ZNF627: variants seen among roughly 807,000 people sequenced by gnomAD.
ZNF627 encodes the protein zinc finger protein 627.
Under a neutral mutation model 10.6 loss-of-function variants are expected in ZNF627, and 12 were observed. That is an observed-to-expected ratio of 1.13 (90% confidence interval 0.73 to 1.84). ZNF627 has a LOEUF of 1.84. ZNF627 is among the 40% of genes most tolerant of loss of function. The pLI, the probability that ZNF627 is intolerant of heterozygous loss-of-function variation, is 0.00. For synonymous variants in ZNF627, 176 were observed against 187.1 expected (o/e 0.94, Z 0.48); for missense variants, 504 against 568.4 (o/e 0.89, Z 1.15).
intron 3 of ZNF627, among the ~76,000 whole-genome samples, chr19:11,616,249 T>G (rs943211845): frequency 2.6e-5 from 4 of 152,054 alleles, no homozygotes; most frequent in African/African-American, 7.2e-5. Context: ...TTTCTCCACG[T>G]TGGTCAAGCT....
At chr19:11,606,119 A>G (rs1373703130) in intron 1 of ZNF627, among the ~76,000 whole-genome samples, 1 of 152,112 alleles carries the variant, frequency 6.6e-6, no homozygotes, top group Admixed American at 6.6e-5. Context: ...AGGCAAGCGG[A>G]TCATGAGGTC....
chr19:11,604,382 T>C (rs982046175), intron 1 of ZNF627: 11 of 152,220 alleles, frequency 7.2e-5, no homozygotes, highest in African/African-American at 2.7e-4. Flanking sequence ...GTCCCATCAC[T>C]GTAGGAGGCA....
chr19:11,612,118 CTTTTTTTTTT>C (rs533449447), intron 1 of ZNF627, among the ~76,000 whole-genome samples: 1 of 91,724 alleles, frequency 1.1e-5, no homozygotes, highest in Non-Finnish European at 2.1e-5. Context: ...GGTCCAACTG[CTTTTTTTTTT>C]TTTTTTTTTT....
chr19:11,599,223 G>A (rs1012958765), intron 1 of ZNF627, among the ~76,000 whole-genome samples: 7 of 152,106 alleles, frequency 4.6e-5, no homozygotes, highest in African/African-American at 1.7e-4. Flanking sequence ...ACGGGGTGGG[G>A]CCTCTTAGTG....
chr19:11,608,266 G>C (rs145116923), intron 1 of ZNF627, among the ~76,000 whole-genome samples: 80 of 152,186 alleles, frequency 5.3e-4, no homozygotes, highest in African/African-American at 1.8e-3. Context: ...GGGATTATGG[G>C]AACTACAATT....
chr19:11,610,628 C>T (rs999106726), intron 1 of ZNF627, among the ~76,000 whole-genome samples: 2 of 152,064 alleles, frequency 1.3e-5, no homozygotes, highest in African/African-American at 4.8e-5. Flanking sequence ...CCTTGTGTAA[C>T]TGCTGCTAAT....
intron 1 of ZNF627, among the ~76,000 whole-genome samples, chr19:11,606,625 G>A (rs1224944518): frequency 6.6e-6 from 1 of 152,234 alleles, no homozygotes; most frequent in African/African-American, 2.4e-5. Context: ...GGGACTCTCT[G>A]TGGGGGCTCC....
chr19:11,601,178 G>A (rs1301907573), intron 1 of ZNF627, among the ~76,000 whole-genome samples: 1 of 152,206 alleles, frequency 6.6e-6, no homozygotes, highest in African/African-American at 2.4e-5. Flanking sequence ...CCTTTATAGT[G>A]AGAGAAGCTC....
chr19:11,613,072 C>CCT (rs1973801167), intron 1 of ZNF627, among the ~76,000 whole-genome samples: 1 of 74,256 alleles, frequency 1.3e-5, no homozygotes, highest in African/African-American at 5.4e-5. Flanking sequence ...ACCTCCCCTC[C>CCT]CCTCCCTCCC....
chr19:11,602,368 A>G (rs568797364), intron 1 of ZNF627, among the ~76,000 whole-genome samples: 1 of 152,354 alleles, frequency 6.6e-6, no homozygotes, highest in East Asian at 1.9e-4. Flanking sequence ...GCTTTGTCAT[A>G]GGTAAAAAAG....
rs185119615 is a variant in ZNF627, at chr19:11,611,838, A to G, written c.4-2689A>G. Among the ~76,000 whole-genome samples, 249 of 152,122 alleles carry G rather than the reference A, an allele frequency of 1.6e-3. 1 individual carries two copies. The highest frequency in any genetic ancestry group is 5.6e-3 in the African/African-American group (232 of 41,496). ...GCTGAGATTGACTGGGCCCTTTCCT[A>G]TTGGTTGCTGTGAGTCTCCTGTTTT... On this transcript the variant is annotated intron_variant, in intron 1 of 3. Coordinates refer to ENST00000361113, the MANE Select transcript of ZNF627 (RefSeq NM_145295.4).
In ZNF627 at chr19:11,617,903, C is replaced by A; in HGVS notation, c.*14C>A. ...GTTCTTTCATGAGCATGAAAGGAGT[C>A]ACATAGAGAAACCCCATGAAAGTAA... On this transcript the variant is annotated 3_prime_UTR_variant, in exon 4 of 4. Coordinates refer to ENST00000361113, the MANE Select transcript of ZNF627 (RefSeq NM_145295.4). The A allele has an allele frequency of 6.6e-7, 1 of 1,507,530 alleles. No homozygotes were observed. Among genetic ancestry groups the A allele is most frequent in the Non-Finnish European group, 8.8e-7 (1 of 1,137,582 alleles). The allele number at this position is 1,507,530 out of a possible 1,614,324, so 93.4% of individuals were successfully genotyped here.
intron 1 of ZNF627, among the ~76,000 whole-genome samples, chr19:11,609,471 T>TTATATATACATA (rs1973729568): frequency 7.4e-5 from 4 of 54,016 alleles, no homozygotes; most frequent in Non-Finnish European, 2.0e-4. Flanking sequence ...TTAAAAAATT[T>TTATATATACATA]TATATATATA....
chr19:11,617,080 G>A lies in ZNF627; in HGVS notation c.577G>A (p.Val193Ile), dbSNP rs758541055. The change falls in exon 4 of 4, where the codon GTA becomes ATA. Residue 193 changes from valine (V) to isoleucine (I), a missense_variant. Physicochemically the swap from Val to Ile is conservative, Grantham distance 29. Coordinates refer to ENST00000361113, the MANE Select transcript of ZNF627 (RefSeq NM_145295.4). ...RRHMLTHRGG[V>I]PYKCKVCGKA... ...ACACATGTTAACGCATAGGGGAGGT[G>A]TACCTTACAAATGTAAGGTGTGTGG... 9.3e-6 allele frequency: 15 copies of A among 1,614,064 alleles called. No individual in the cohort carries two copies. The highest frequency in any genetic ancestry group is 1.3e-5 in the African/African-American group (1 of 75,044).
Position 11,611,396 on chromosome 19 carries a change from C to T in ZNF627, c.4-3131C>T, listed in dbSNP as rs184831300. ...GCTGGAGTGCAGTGATGATGTGATC[C>T]GAGCTCACCCCAGTCTCAACCTCCT... On this transcript the variant is annotated intron_variant, in intron 1 of 3. Transcript: ENST00000361113. 3.0e-3 allele frequency among the ~76,000 whole-genome samples: 459 copies of T among 152,150 alleles called. 1 individual carries two copies. The highest frequency in any genetic ancestry group is 9.7e-3 in the African/African-American group (401 of 41,510).
At chr19:11,609,832 T>C (rs1973743247) in intron 1 of ZNF627, among the ~76,000 whole-genome samples, 1 of 152,096 alleles carries the variant, frequency 6.6e-6, no homozygotes, top group East Asian at 1.9e-4. Context: ...TTGTTGATAT[T>C]ATTGCATGCA....
intron 1 of ZNF627, among the ~76,000 whole-genome samples, chr19:11,602,899 A>T (rs1973611858): frequency 6.6e-6 from 1 of 152,192 alleles, no homozygotes; most frequent in South Asian, 2.1e-4. Flanking sequence ...ACACCTGTGG[A>T]CTCACTACCC....
chr19:11,599,990 G>T (rs2145120795), intron 1 of ZNF627, among the ~76,000 whole-genome samples: 1 of 152,262 alleles, frequency 6.6e-6, no homozygotes, highest in Non-Finnish European at 1.5e-5. Flanking sequence ...CCCTGCAAAA[G>T]ATTTGTTCAC....
chr19:11,604,538 A>G (rs2145125972), intron 1 of ZNF627, among the ~76,000 whole-genome samples: 1 of 152,206 alleles, frequency 6.6e-6, no homozygotes, highest in East Asian at 1.9e-4. Context: ...TACTCTCAGG[A>G]CACCCTCCCC....
Sources: allele counts gnomAD v4.1 joint callset (sites outside exome capture counted in the v4.1 genomes callset), GRCh38; gene constraint gnomAD v4.1.1; transcripts MANE v1.5; gene names NCBI Gene and HGNC (gene_info 2026-07-23, HGNC 2026-07-21).